The following MAGI3 variants were observed in gnomAD, a reference collection of about 807,000 sequenced individuals.
MAGI3 encodes the protein membrane associated guanylate kinase, WW and PDZ domain containing 3, also known as membrane-associated guanylate kinase, WW and PDZ domain-containing protein 3.
Under a neutral mutation model 121.8 loss-of-function variants are expected in MAGI3, and 43 were observed. The ratio of observed to expected loss-of-function variants is 0.35; its 90% CI spans 0.28 to 0.46. The LOEUF is 0.46. MAGI3 is among the 20% of genes least tolerant of loss of function. The pLI, the probability that MAGI3 is intolerant of heterozygous loss-of-function variation, is 1.00. For synonymous variants in MAGI3, 553 were observed against 639.3 expected, an observed-to-expected ratio of 0.86 and a Z score of 2.04; for missense variants, 1,547 against 1,797.3, an observed-to-expected ratio of 0.86 and a Z score of 2.52.
intron 2 of MAGI3, among the ~76,000 whole-genome samples, chr1:113,567,820 T>G (rs186442673): frequency 1.8e-4 from 28 of 152,208 alleles, no homozygotes; most frequent in Non-Finnish European, 3.2e-4. Flanking sequence ...ATGCCTGGTC[T>G]TGCCATTACT....
chr1:113,420,297 T>TA (rs1174685366), intron 1 of MAGI3, among the ~76,000 whole-genome samples: 1 of 152,206 alleles, frequency 6.6e-6, no homozygotes, highest in Non-Finnish European at 1.5e-5. Context: ...AGTGCTATTA[T>TA]AATTTGGATA....
intron 1 of MAGI3, among the ~76,000 whole-genome samples, chr1:113,433,027 A>G (rs1412787454): frequency 6.6e-6 from 1 of 152,154 alleles, no homozygotes; most frequent in Non-Finnish European, 1.5e-5. Flanking sequence ...AATAATAATA[A>G]TAAATAAACA....
rs1379201956 is a variant in MAGI3, at chr1:113,399,945, AG to A, written c.316+8597del. ...CAAATTGAGACAATGTCATTATTGT[AG>A]TATTTCTGAGGGCTCCCTAATAATA... On this transcript the variant is annotated intron_variant, in intron 1 of 20. Transcript: ENST00000307546. 6.6e-5 allele frequency among the ~76,000 whole-genome samples: 10 copies of A among 152,290 alleles called. 1 individual carries two copies. In the South Asian group the frequency reaches 2.1e-3, roughly 32 times the overall value.
At chr1:113,506,994 G>A (rs1289477861) in intron 1 of MAGI3, among the ~76,000 whole-genome samples, 1 of 152,118 alleles carries the variant, frequency 6.6e-6, no homozygotes, top group Non-Finnish European at 1.5e-5. Context: ...CATGCTTTGG[G>A]TTGTAGATGG....
chr1:113,671,721 C>G lies in MAGI3; in HGVS notation c.2816-13C>G. 1 of 1,612,682 alleles carries G rather than the reference C, an allele frequency of 6.2e-7. No homozygotes were observed. The highest frequency in any genetic ancestry group is 1.1e-5 in the South Asian group (1 of 90,880). ...TACAAATTCTTATTTCTATTGTTTT[C>G]TCATTTGAACAGAGCATCATGGTCC... is the stretch of plus-strand genomic sequence containing the variant. On this transcript the variant is annotated splice_polypyrimidine_tract_variant and intron_variant, in intron 16 of 20. Coordinates refer to ENST00000307546, the MANE Select transcript of MAGI3 (RefSeq NM_001142782.2).
intron 16 of MAGI3, among the ~76,000 whole-genome samples, chr1:113,660,478 C>G (rs986798009): frequency 3.3e-5 from 5 of 151,990 alleles, no homozygotes; most frequent in East Asian, 1.9e-4. Flanking sequence ...GGCCTTCCCC[C>G]GCAACCGCAA....
At chr1:113,601,364 C>T (rs1385692465) in intron 6 of MAGI3, among the ~76,000 whole-genome samples, 2 of 146,178 alleles carry the variant, frequency 1.4e-5, no homozygotes, top group African/African-American at 4.9e-5. Flanking sequence ...TGAACTCCAA[C>T]AAATTTACAA....
At chr1:113,671,002 AG>A (rs1246690445) in intron 16 of MAGI3, among the ~76,000 whole-genome samples, 1 of 152,248 alleles carries the variant, frequency 6.6e-6, no homozygotes, top group Non-Finnish European at 1.5e-5. Flanking sequence ...TGAGTCTGCC[AG>A]CCTTAGGCAT....
chr1:113,535,653 C>T (rs1453043657), intron 1 of MAGI3, among the ~76,000 whole-genome samples: 1 of 152,062 alleles, frequency 6.6e-6, no homozygotes, highest in African/African-American at 2.4e-5. Context: ...TGCCATAATG[C>T]CTTTCAGAAA....
At chr1:113,543,369 A>G (rs1362095661) in intron 1 of MAGI3, among the ~76,000 whole-genome samples, 5 of 152,362 alleles carry the variant, frequency 3.3e-5, no homozygotes, top group Non-Finnish European at 7.3e-5. Context: ...TTGCTGCTTT[A>G]ATGAAGAATT....
intron 9 of MAGI3, among the ~76,000 whole-genome samples, chr1:113,641,103 TATATAAATATATATGAG>T (rs1453011132): frequency 1.7e-5 from 1 of 60,162 alleles, no homozygotes; most frequent in Non-Finnish European, 3.6e-5. Flanking sequence ...ATATATATGA[TATATAAATATATATGAG>T]ATATATATTA....
intron 1 of MAGI3, among the ~76,000 whole-genome samples, chr1:113,437,852 T>TTCC (rs1653672985): frequency 1.6e-5 from 1 of 64,212 alleles, no homozygotes; most frequent in African/African-American, 6.8e-5. Flanking sequence ...CTTCTTCTTC[T>TTCC]TCTTCTTCTT....
intron 2 of MAGI3, among the ~76,000 whole-genome samples, chr1:113,570,019 G>C (rs1296427985): frequency 6.6e-6 from 1 of 151,962 alleles, no homozygotes; most frequent in Non-Finnish European, 1.5e-5. Context: ...TTAGGTATTT[G>C]TCCTAGTGCT....
intron 7 of MAGI3, among the ~76,000 whole-genome samples, chr1:113,615,754 G>A (rs1416788301): frequency 1.3e-5 from 2 of 152,078 alleles, no homozygotes; most frequent in Non-Finnish European, 2.9e-5. Context: ...TCCTTTGAAA[G>A]CTATGCTAAT....
Position 113,673,464 on chromosome 1 carries a change from A to G in MAGI3, c.3188A>G (p.His1063Arg). 6.2e-7 allele frequency: 1 copy of G among 1,612,562 alleles called. No individual in the cohort carries two copies. Among genetic ancestry groups the G allele is most frequent in the Non-Finnish European group, 8.5e-7 (1 of 1,179,828 alleles). ...CCTGCCATCAAAGATGGCAGAATTC[A>G]TGTGAGTTGGTTTCTGTCTGTAACC... ...DGPAIKDGRI[H>R]VGDQIVEING... The change falls in exon 19 of 21, where the codon CAT becomes CGT. Residue 1063 changes from histidine (H) to arginine (R), a missense_variant and splice_region_variant. Transcript: ENST00000307546.
chr1:113,624,893 C>T (rs997432958), intron 9 of MAGI3, among the ~76,000 whole-genome samples: 4 of 152,206 alleles, frequency 2.6e-5, no homozygotes, highest in Non-Finnish European at 4.4e-5. Context: ...TTGTATACAG[C>T]GAGAGATAGA....
intron 1 of MAGI3, among the ~76,000 whole-genome samples, chr1:113,423,604 A>G (rs1434747576): frequency 6.6e-6 from 1 of 152,188 alleles, no homozygotes; most frequent in Non-Finnish European, 1.5e-5. Flanking sequence ...CAGAAGGGAG[A>G]AAGTGTGTGC....
intron 1 of MAGI3, among the ~76,000 whole-genome samples, chr1:113,530,368 T>C (rs191612792): frequency 4.3e-4 from 64 of 149,402 alleles, no homozygotes; most frequent in African/African-American, 1.4e-3. Flanking sequence ...GAAAACCGAA[T>C]GTTGTATGTT....
At chr1:113,433,204 C>G (rs1174136763) in intron 1 of MAGI3, among the ~76,000 whole-genome samples, 1 of 152,036 alleles carries the variant, frequency 6.6e-6, no homozygotes, top group African/African-American at 2.4e-5. Flanking sequence ...ATGAGGCTGA[C>G]AGTTGGCATT....
Sources: allele counts gnomAD v4.1 joint callset (sites outside exome capture counted in the v4.1 genomes callset), GRCh38; gene constraint gnomAD v4.1.1; transcripts MANE v1.5; gene names NCBI Gene and HGNC (gene_info 2026-07-23, HGNC 2026-07-21).